Variants in CREM observed in about 807,000 individuals in gnomAD.
CREM encodes cAMP-responsive element modulator.
In CREM, 13 loss-of-function variants were observed where a neutral mutation model predicts 37.3. The observed-to-expected ratio is 0.35, with a 90% CI of 0.23 to 0.55. The LOEUF is 0.55. Ranked by LOEUF, CREM falls within the 20% of genes least tolerant of loss-of-function variation. The pLI is 0.88. For synonymous variants in CREM, 124 were observed against 120.2 expected (o/e 1.03, Z -0.21); for missense variants, 296 against 362.3 (o/e 0.82, Z 1.49).
chr10:35,177,950 G>A (rs554069873), intron 3 of CREM, among the ~76,000 whole-genome samples: 4 of 152,208 alleles, frequency 2.6e-5, no homozygotes, highest in East Asian at 1.9e-4. Flanking sequence ...TGTGTGGGGC[G>A]TTCATGAGCA....
intron 3 of CREM, among the ~76,000 whole-genome samples, chr10:35,158,055 C>G (rs1016452989): frequency 6.6e-6 from 1 of 151,850 alleles, no homozygotes; most frequent in Non-Finnish European, 1.5e-5. Context: ...ACATTGAAAA[C>G]TATAAAAAAC....
At chr10:35,158,580 CTTGGCCT>C (rs532061532) in intron 3 of CREM, 1 of 160,104 alleles carries the variant, frequency 6.2e-6, no homozygotes, top group Non-Finnish European at 1.4e-5. Flanking sequence ...TGAATAACCT[CTTGGCCT>C]TTGTCTGCAA....
At chr10:35,162,086 T>C (rs1343877151) in intron 3 of CREM, among the ~76,000 whole-genome samples, 1 of 152,214 alleles carries the variant, frequency 6.6e-6, no homozygotes, top group Non-Finnish European at 1.5e-5. Context: ...TGGAATACTA[T>C]TCAACCATAA....
chr10:35,130,319 C>T (rs931256686), intron 1 of CREM, among the ~76,000 whole-genome samples: 1 of 151,146 alleles, frequency 6.6e-6, no homozygotes, highest in Admixed American at 6.6e-5. Flanking sequence ...TTTTAAATGT[C>T]TTTTGCAATG....
chr10:35,158,821 G>GTTTTTTTTTT (rs1271855315), intron 3 of CREM, among the ~76,000 whole-genome samples: 1 of 62,372 alleles, frequency 1.6e-5, no homozygotes, highest in Non-Finnish European at 4.1e-5. Flanking sequence ...TGTTTTGTTT[G>GTTTTTTTTTT]TTTTTTTTTT....
At chr10:35,205,137 T>C (rs1212270314) in intron 6 of CREM, among the ~76,000 whole-genome samples, 1 of 152,200 alleles carries the variant, frequency 6.6e-6, no homozygotes, top group Non-Finnish European at 1.5e-5. Flanking sequence ...GAAGCGTTGG[T>C]GGTAGAAATG....
At chr10:35,163,324 C>T (rs2093384300) in intron 3 of CREM, among the ~76,000 whole-genome samples, 1 of 152,130 alleles carries the variant, frequency 6.6e-6, no homozygotes, top group South Asian at 2.1e-4. Context: ...GTAAGTTGGT[C>T]TCCCCTGTCT....
intron 3 of CREM, among the ~76,000 whole-genome samples, chr10:35,156,373 T>C (rs2092917428): frequency 6.6e-6 from 1 of 152,060 alleles, no homozygotes; most frequent in Non-Finnish European, 1.5e-5. Context: ...CTCAGTCTCC[T>C]GGAGTAACTA....
chr10:35,165,321 C>T (rs936141394), intron 3 of CREM, among the ~76,000 whole-genome samples: 18 of 151,948 alleles, frequency 1.2e-4, no homozygotes, highest in Non-Finnish European at 7.4e-5. Context: ...ACTACCAGAG[C>T]GAGAACTCAT....
chr10:35,157,635 CAAA>C (rs71523362), intron 3 of CREM, among the ~76,000 whole-genome samples: 222 of 87,098 alleles, frequency 2.5e-3, no homozygotes, highest in African/African-American at 5.9e-3. Flanking sequence ...GACCCTGTCT[CAAA>C]AAAAAAAAAA....
chr10:35,200,441 A>G (rs906447222), intron 6 of CREM, among the ~76,000 whole-genome samples: 8 of 152,344 alleles, frequency 5.3e-5, no homozygotes, highest in Middle Eastern at 3.4e-3. Context: ...GTTTTTGTCA[A>G]TTATACCTCA....
At chr10:35,169,852 A>T (rs149874300) in intron 3 of CREM, among the ~76,000 whole-genome samples, 4,719 of 151,882 alleles carry the variant, frequency 0.031, 239 homozygotes, top group African/African-American at 0.1. Context: ...TGAGATAATC[A>T]TGTGGTTTTT....
chr10:35,159,200 G>T (rs1449290577), intron 3 of CREM, among the ~76,000 whole-genome samples: 1 of 151,766 alleles, frequency 6.6e-6, no homozygotes, highest in Non-Finnish European at 1.5e-5. Flanking sequence ...CTAGATGATA[G>T]AACTTAAGAA....
chr10:35,127,999 C>T (rs1308509185), intron 1 of CREM, among the ~76,000 whole-genome samples: 1 of 152,146 alleles, frequency 6.6e-6, no homozygotes, highest in Non-Finnish European at 1.5e-5. Context: ...GCATGCGCCA[C>T]CACGCCTGCT....
intron 5 of CREM, among the ~76,000 whole-genome samples, chr10:35,181,998 G>A (rs764659141): frequency 1.2e-4 from 18 of 152,210 alleles, no homozygotes; most frequent in Admixed American, 2.6e-4. Context: ...CTGATGAGAA[G>A]TTATAGTTCT....
Position 35,173,318 on chromosome 10 carries a change from T to C in CREM, c.169-5571T>C, listed in dbSNP as rs1324536670. Among the ~76,000 whole-genome samples, 4 of 152,322 alleles carry C rather than the reference T, an allele frequency of 2.6e-5. No homozygotes were observed. The East Asian group carries it at 7.7e-4, about 29-fold the overall frequency. On this transcript the variant is annotated intron_variant, in intron 3 of 7. Transcript: ENST00000685392. ...TCTACAGAAGCTATTATAATATTCC[T>C]CCCTTTTTCTAACACGAGTCTTTGT...
At chr10:35,164,719 G>A (rs2093452341) in intron 3 of CREM, among the ~76,000 whole-genome samples, 2 of 152,212 alleles carry the variant, frequency 1.3e-5, no homozygotes, top group South Asian at 2.1e-4. Flanking sequence ...ATGCAATTTG[G>A]CCTGGCTGTG....
chr10:35,163,266 C>T (rs1424008177), intron 3 of CREM, among the ~76,000 whole-genome samples: 5 of 152,128 alleles, frequency 3.3e-5, no homozygotes, highest in South Asian at 2.1e-4. Flanking sequence ...TAAATGTGTG[C>T]GTATTTACTA....
At chr10:35,141,411 A>T (rs944590488) in intron 2 of CREM, among the ~76,000 whole-genome samples, 1 of 152,192 alleles carries the variant, frequency 6.6e-6, no homozygotes, top group African/African-American at 2.4e-5. Context: ...GTGGAAAGGT[A>T]GAGAAGGAGA....
Sources: gnomAD v4.1 joint callset for allele counts (sites outside exome capture counted in the v4.1 genomes callset) on GRCh38, gnomAD v4.1.1 for gene constraint, MANE v1.5 for transcripts, NCBI Gene and HGNC (gene_info 2026-07-23, HGNC 2026-07-21) for gene names.